TMEM135: variants seen among roughly 807,000 people sequenced by gnomAD.
The protein encoded by TMEM135 is transmembrane protein 135.
Under a neutral mutation model 60.3 loss-of-function variants are expected in TMEM135, and 30 were observed. The observed-to-expected ratio is 0.50, with a 90% CI of 0.37 to 0.68. The LOEUF is 0.68. Among genes scored for constraint, TMEM135 ranks in the 30% least tolerant of loss-of-function variants. TMEM135 has a pLI of 0.00. For missense variants in TMEM135, 468 were observed against 548.8 expected (o/e 0.85, Z 1.47); for synonymous variants, 190 against 186.7 (o/e 1.02, Z -0.14).
intron 4 of TMEM135, among the ~76,000 whole-genome samples, chr11:87,134,484 G>A (rs375537596): frequency 2.0e-5 from 3 of 152,000 alleles, no homozygotes; most frequent in Middle Eastern, 3.2e-3. Context: ...TTCAAATTTC[G>A]TTTAGTTTTG....
intron 3 of TMEM135, among the ~76,000 whole-genome samples, chr11:87,077,972 T>C (rs1856908792): frequency 6.6e-6 from 1 of 152,240 alleles, no homozygotes; most frequent in Non-Finnish European, 1.5e-5. Flanking sequence ...TGTCACATTT[T>C]ATTTATTCAT....
chr11:87,134,972 C>T (rs553837195), intron 4 of TMEM135, among the ~76,000 whole-genome samples: 1 of 152,224 alleles, frequency 6.6e-6, no homozygotes, highest in East Asian at 1.9e-4. Context: ...TTGAATTTCC[C>T]TGATGACTAA....
intron 5 of TMEM135, among the ~76,000 whole-genome samples, chr11:87,216,184 T>C (rs1940496040): frequency 6.6e-6 from 1 of 152,208 alleles, no homozygotes; most frequent in African/African-American, 2.4e-5. Context: ...GGTCTTGGAA[T>C]GGATCCCCTG....
chr11:87,290,030 A>C (rs1942238420), intron 6 of TMEM135, among the ~76,000 whole-genome samples: 1 of 152,096 alleles, frequency 6.6e-6, no homozygotes, highest in African/African-American at 2.4e-5. Context: ...TAGGATGTAT[A>C]GTTTGTAAAT....
At chr11:87,052,827 T>G (rs374443680) in intron 1 of TMEM135, among the ~76,000 whole-genome samples, 25 of 95,596 alleles carry the variant, frequency 2.6e-4, no homozygotes, top group African/African-American at 8.3e-4. Context: ...TATACCCAAA[T>G]GACTATAAAT....
chr11:87,063,992 A>G (rs1856594476), intron 1 of TMEM135, among the ~76,000 whole-genome samples: 1 of 152,200 alleles, frequency 6.6e-6, no homozygotes. Flanking sequence ...TGGGGTAGAC[A>G]TTTAATTATG....
chr11:87,321,231 T>A lies in TMEM135; in HGVS notation c.1275T>A (p.Asp425Glu), dbSNP rs146982299. The change falls in exon 15 of 15, where the codon GAT (aspartate) becomes GAA (glutamate). Residue 425 changes from aspartate to glutamate, a missense_variant. By Grantham distance (45) the Asp-to-Glu change is conservative (BLOSUM62 2). Coordinates refer to ENST00000305494, the MANE Select transcript of TMEM135 (RefSeq NM_022918.4). ...CTGTCATGAACCGAAAAGTCCTTGA[T>A]GTTTTTGGTACTGGTGCATCTAAAC... ...KFAVMNRKVL[D>E]VFGTGASKHF... 25 of 1,613,524 alleles carry A rather than the reference T, an allele frequency of 1.5e-5. No individual in the cohort carries two copies. The highest frequency in any genetic ancestry group is 1.9e-5 in the Non-Finnish European group (22 of 1,179,622).
In TMEM135 at chr11:87,326,749, A is replaced by G. The variant is rs1240340724; in HGVS notation, c.*5416A>G. The G allele has an allele frequency of 2.2e-6, 1 of 446,542 alleles. No individual in the cohort carries two copies. Among genetic ancestry groups the G allele is most frequent in the Non-Finnish European group, 4.4e-6 (1 of 225,078 alleles). The allele number at this position is 446,542 out of a possible 1,614,324, so 27.7% of individuals were successfully genotyped here. A position where few individuals can be genotyped will look rare whatever the true frequency, so the allele number is the denominator to read the frequency against. ...TCAGGGAAAATTGAAGGTAAATAAT[A>G]TCTGCAAAGCTTCAGGAAGAAATTC... On this transcript the variant is annotated 3_prime_UTR_variant, in exon 15 of 15. Coordinates refer to ENST00000305494, the MANE Select transcript of TMEM135 (RefSeq NM_022918.4).
chr11:87,281,872 G>T (rs1942065940), intron 6 of TMEM135, among the ~76,000 whole-genome samples: 1 of 152,208 alleles, frequency 6.6e-6, no homozygotes, highest in Non-Finnish European at 1.5e-5. Context: ...GGTACAAAAT[G>T]AAGATTTCAC....
chr11:87,263,391 T>G (rs1941690517), intron 6 of TMEM135, among the ~76,000 whole-genome samples: 1 of 152,158 alleles, frequency 6.6e-6, no homozygotes, highest in Non-Finnish European at 1.5e-5. Context: ...TCCTTTAGAA[T>G]TTTTTCCATG....
chr11:87,109,754 T>G (rs1470823865), intron 4 of TMEM135, among the ~76,000 whole-genome samples: 1 of 152,162 alleles, frequency 6.6e-6, no homozygotes, highest in Admixed American at 6.5e-5. Context: ...CCTGGAGTTT[T>G]ACGTGTTCCT....
At position 87,233,573 on chromosome 11, in the gene TMEM135, C is replaced by T. The variant is rs1366311491; in HGVS notation, c.463-3065C>T. Among the ~76,000 whole-genome samples, 4 of 152,022 alleles carry T rather than the reference C, an allele frequency of 2.6e-5. No homozygotes were observed. The East Asian group carries it at 5.8e-4, about 22-fold the overall frequency. On this transcript the variant is annotated intron_variant, in intron 5 of 14. Transcript: ENST00000305494. Reference sequence around the variant, plus strand: ...CTATGTTGAAACTTATGAAATTGTACACTTTAAATATGTACAATTTATATT... The same window carrying T: ...CTATGTTGAAACTTATGAAATTGTATACTTTAAATATGTACAATTTATATT...
chr11:87,269,525 G>A (rs1941822917), intron 6 of TMEM135, among the ~76,000 whole-genome samples: 1 of 151,174 alleles, frequency 6.6e-6, no homozygotes. Flanking sequence ...TCCCCAGAGT[G>A]TAATGTTCCC....
rs140053597 is a variant in TMEM135, at chr11:87,080,780, G to A, written c.362+9165G>A. 4.4e-3 allele frequency among the ~76,000 whole-genome samples: 663 copies of A among 152,108 alleles called. 7 individuals are homozygous for A. The highest frequency in any genetic ancestry group is 0.015 in the African/African-American group (636 of 41,512). On this transcript the variant is annotated intron_variant, in intron 3 of 14. Transcript: ENST00000305494. ...CGGCTCACTGCAACCTCCACCCACCGGGTTCAAGCAACTCTTGTGCCTCAG... is the reference window on the plus strand; with the variant it reads ...CGGCTCACTGCAACCTCCACCCACCAGGTTCAAGCAACTCTTGTGCCTCAG...
Position 87,181,987 on chromosome 11 carries a change from G to C in TMEM135, c.462+24581G>C, listed in dbSNP as rs188370098. Among the ~76,000 whole-genome samples, 25 of 151,162 alleles carry C rather than the reference G, an allele frequency of 1.7e-4. No individual in the cohort carries two copies. In the East Asian group the frequency reaches 4.7e-3, roughly 28 times the overall value. On this transcript the variant is annotated intron_variant, in intron 5 of 14. Transcript: ENST00000305494. ...TTTTAAAGAGAGAATTGTTTTCATG[G>C]AGTGTATTTGAAATGAGAGTAAGCC...
At chr11:87,126,449 T>A (rs2135224571) in intron 4 of TMEM135, among the ~76,000 whole-genome samples, 1 of 152,084 alleles carries the variant, frequency 6.6e-6, no homozygotes, top group South Asian at 2.1e-4. Context: ...TAAAAAAGTT[T>A]AAAAATGACT....
At chr11:87,247,878 C>A (rs11534584) in intron 6 of TMEM135, among the ~76,000 whole-genome samples, 7 of 151,524 alleles carry the variant, frequency 4.6e-5, no homozygotes, top group Non-Finnish European at 8.8e-5. Flanking sequence ...TGCACCCACT[C>A]TCTGGCACTC....
At chr11:87,271,524 A>G (rs1017061146) in intron 6 of TMEM135, among the ~76,000 whole-genome samples, 3 of 151,608 alleles carry the variant, frequency 2.0e-5, no homozygotes, top group Non-Finnish European at 2.9e-5. Context: ...TATAAAGCAT[A>G]CATCAGATTT....
At chr11:87,264,925 T>G (rs1167862632) in intron 6 of TMEM135, among the ~76,000 whole-genome samples, 2 of 151,932 alleles carry the variant, frequency 1.3e-5, no homozygotes, top group Non-Finnish European at 2.9e-5. Flanking sequence ...TGTCATGAGA[T>G]GGGTCTGAAA....
Sources: gnomAD v4.1 joint callset for allele counts (sites outside exome capture counted in the v4.1 genomes callset) on GRCh38, gnomAD v4.1.1 for gene constraint, MANE v1.5 for transcripts, NCBI Gene and HGNC (gene_info 2026-07-23, HGNC 2026-07-21) for gene names.